Variants in PDE3A observed in about 807,000 individuals in gnomAD.
PDE3A encodes cGMP-inhibited 3',5'-cyclic phosphodiesterase 3A.
A neutral mutation model predicts 98.3 loss-of-function variants in PDE3A; 43 were observed. The observed-to-expected ratio is 0.44, with a 90% CI of 0.34 to 0.56. PDE3A has a LOEUF of 0.56. PDE3A is among the 20% of genes least tolerant of loss of function. The probability of loss-of-function intolerance (pLI) is 0.01; values close to 1 mark genes in which losing one functional copy is unlikely to be tolerated. For missense variants in PDE3A, 1,427 were observed against 1,440.7 expected (o/e 0.99, Z 0.15); for synonymous variants, 663 against 567.9 (o/e 1.17, Z -2.38).
chr12:20,616,454 C>T, intron 4 of PDE3A, 70 bp downstream of exon 4: 5 of 1,463,078 alleles, frequency 3.4e-6, no homozygotes, highest in Admixed American at 1.9e-5. Context: ...TTATAAATTA[C>T]AGGAGAAGGA....
At chr12:20,678,962 A>G (rs546213932) in intron 15 of PDE3A, among the ~76,000 whole-genome samples, 1 of 152,346 alleles carries the variant, frequency 6.6e-6, no homozygotes, top group South Asian at 2.1e-4. Flanking sequence ...AGAGATAAAG[A>G]TAAGGAGAAG....
chr12:20,594,441 A>G (rs1482038089), intron 2 of PDE3A, among the ~76,000 whole-genome samples: 1 of 152,156 alleles, frequency 6.6e-6, no homozygotes, highest in Non-Finnish European at 1.5e-5. Context: ...AGCCGAATTA[A>G]AGTCCTCAAT....
intron 2 of PDE3A, among the ~76,000 whole-genome samples, chr12:20,573,495 A>T (rs1942852504): frequency 6.6e-6 from 1 of 151,800 alleles, no homozygotes; most frequent in African/African-American, 2.4e-5. Flanking sequence ...TCACTGAGCT[A>T]GAAAGAGGTA....
intron 1 of PDE3A, among the ~76,000 whole-genome samples, chr12:20,480,444 C>T (rs1945602846): frequency 6.6e-6 from 1 of 152,186 alleles, no homozygotes; most frequent in African/African-American, 2.4e-5. Context: ...GGACAAGCTA[C>T]TGTGTGTCCA....
At position 20,607,552 on chromosome 12, in the gene PDE3A, C is replaced by T. The variant is rs547781255; in HGVS notation, c.1012-5891C>T. On this transcript the variant is annotated intron_variant, in intron 2 of 15. Transcript: ENST00000359062. ...AACCGCACTTTCCTCCACTGTTTAT[C>T]GTACTGAAATGCCACATTTTCTATT... Among the ~76,000 whole-genome samples, 8 of 151,914 alleles carry T rather than the reference C, an allele frequency of 5.3e-5. No homozygotes were observed. In the East Asian group the frequency reaches 7.7e-4, roughly 15 times the overall value.
chr12:20,668,912 G>A (rs1945394544), intron 15 of PDE3A, among the ~76,000 whole-genome samples: 1 of 150,952 alleles, frequency 6.6e-6, no homozygotes, highest in Non-Finnish European at 1.5e-5. Flanking sequence ...AGCTACGGGA[G>A]GACATTCAAA....
chr12:20,450,083 T>C, intron 1 of PDE3A: 1 of 555,742 alleles, frequency 1.8e-6, no homozygotes, highest in Non-Finnish European at 3.3e-6. Context: ...AGCCTTCTGC[T>C]GGTGCCGTCT....
rs1344976401 is a variant in PDE3A, at chr12:20,648,782, T to C, written c.2660T>C (p.Ile887Thr). ...TCCCGGCCAGAGTATAACTTCTTAA[T>C]TAACCTTGACCATGTGGAATTTAAG... is the stretch of plus-strand genomic sequence containing the variant. ...FMSRPEYNFL[I>T]NLDHVEFKHF... The change falls in exon 13 of 16, where the codon ATT (isoleucine) becomes ACT (threonine). Residue 887 changes from isoleucine to threonine, a missense_variant. By Grantham distance (89) the Ile-to-Thr change is moderately conservative. This residue lies in a region of PDE3A where 273 missense variants were observed against 420.3 expected (regional missense o/e 0.65). Transcript: ENST00000359062. 6.2e-7 allele frequency: 1 copy of C among 1,613,214 alleles called. No homozygotes were observed. The highest frequency in any genetic ancestry group is 2.2e-5 in the East Asian group (1 of 44,888).
intron 1 of PDE3A, among the ~76,000 whole-genome samples, chr12:20,485,339 A>G (rs1945707464): frequency 6.6e-6 from 1 of 152,010 alleles, no homozygotes; most frequent in African/African-American, 2.4e-5. Flanking sequence ...GACATATTGG[A>G]TTGGAACCTA....
chr12:20,534,958 G>A (rs889629340), intron 1 of PDE3A, among the ~76,000 whole-genome samples: 6 of 152,036 alleles, frequency 3.9e-5, no homozygotes, highest in African/African-American at 1.4e-4. Context: ...AAAGAGAATA[G>A]GTATGAACTT....
At chr12:20,615,016 CTTTTTTTTTT>C (rs11313010) in intron 3 of PDE3A, among the ~76,000 whole-genome samples, 10 of 59,130 alleles carry the variant, frequency 1.7e-4, no homozygotes, top group Admixed American at 7.9e-4. Flanking sequence ...TTCTCTCTTT[CTTTTTTTTTT>C]TTTTTTTTTT....
chr12:20,456,584 C>G (rs1366507053), intron 1 of PDE3A, among the ~76,000 whole-genome samples: 1 of 152,000 alleles, frequency 6.6e-6, no homozygotes, highest in African/African-American at 2.4e-5. Context: ...AAAACGTGAC[C>G]TACTCTGTAC....
intron 1 of PDE3A, among the ~76,000 whole-genome samples, chr12:20,401,526 G>C (rs1944130136): frequency 6.6e-6 from 1 of 152,036 alleles, no homozygotes; most frequent in Non-Finnish European, 1.5e-5. Flanking sequence ...GACAGAGATA[G>C]GTAGATCTCT....
At chr12:20,417,259 C>G (rs1944436102) in intron 1 of PDE3A, among the ~76,000 whole-genome samples, 1 of 152,054 alleles carries the variant, frequency 6.6e-6, no homozygotes, top group African/African-American at 2.4e-5. Context: ...TTGCAGTACA[C>G]AAAAGTCCTG....
At chr12:20,435,020 A>C (rs1215994570) in intron 1 of PDE3A, among the ~76,000 whole-genome samples, 1 of 152,218 alleles carries the variant, frequency 6.6e-6, no homozygotes, top group Non-Finnish European at 1.5e-5. Flanking sequence ...TTGTTGAAGT[A>C]AGACTTCAGG....
At chr12:20,571,041 A>C (rs1163983972) in intron 2 of PDE3A, among the ~76,000 whole-genome samples, 1 of 152,172 alleles carries the variant, frequency 6.6e-6, no homozygotes, top group Non-Finnish European at 1.5e-5. Flanking sequence ...ATGTTATGAT[A>C]GCATCAGCTT....
chr12:20,453,427 A>G (rs567130119), intron 1 of PDE3A, among the ~76,000 whole-genome samples: 2 of 152,006 alleles, frequency 1.3e-5, no homozygotes, highest in South Asian at 4.2e-4. Context: ...TGATCTGCCC[A>G]CCTTGGCTAC....
intron 1 of PDE3A, among the ~76,000 whole-genome samples, chr12:20,493,117 C>T (rs930942068): frequency 6.6e-6 from 1 of 152,096 alleles, no homozygotes; most frequent in Non-Finnish European, 1.5e-5. Flanking sequence ...AATTAGTCAG[C>T]AAATATTGTT....
At chr12:20,450,137 C>T (rs1328709068) in intron 1 of PDE3A, 2 of 404,878 alleles carry the variant, frequency 4.9e-6, no homozygotes, top group East Asian at 5.2e-5. Context: ...CGCAGCCCAA[C>T]ATTGCCATTT....
Sources: gnomAD v4.1 joint callset for allele counts (sites outside exome capture counted in the v4.1 genomes callset) on GRCh38, gnomAD v4.1.1 for gene constraint, gnomAD v4.1.1 regional missense constraint, MANE v1.5 for transcripts, NCBI Gene and HGNC (gene_info 2026-07-23, HGNC 2026-07-21) for gene names.